The following PCDH15 variants were observed in gnomAD, a reference collection of about 807,000 sequenced individuals.
PCDH15 encodes the protein protocadherin related 15.
In PCDH15, 129 loss-of-function variants were observed where a neutral mutation model predicts 178.5. That is an observed-to-expected ratio of 0.72 (90% confidence interval 0.63 to 0.84). The LOEUF is 0.84. Ranked by LOEUF, PCDH15 falls within the 40% of genes least tolerant of loss-of-function variation. The pLI, the probability that PCDH15 is intolerant of heterozygous loss-of-function variation, is 0.00. For missense variants in PCDH15, 2,230 were observed against 2,099.9 expected (o/e 1.06, Z -1.21); for synonymous variants, 800 against 732.0 (o/e 1.09, Z -1.50).
At chr10:54,542,783 G>T (rs11004365) in intron 2 of PCDH15, among the ~76,000 whole-genome samples, 5 of 151,976 alleles carry the variant, frequency 3.3e-5, no homozygotes, top group African/African-American at 1.2e-4. Context: ...GGAGAAGGGC[G>T]TGGTCCCTGG....
intron 20 of PCDH15, among the ~76,000 whole-genome samples, chr10:53,996,940 C>T (rs957862984): frequency 4.9e-4 from 75 of 152,024 alleles, no homozygotes; most frequent in Admixed American, 3.8e-3. Flanking sequence ...TGCTTAGACA[C>T]AACAATTTTC....
chr10:54,118,759 C>T (rs1164156981), intron 15 of PCDH15, among the ~76,000 whole-genome samples: 1 of 143,310 alleles, frequency 7.0e-6, no homozygotes, highest in Admixed American at 6.9e-5. Context: ...AGAAGAAAAC[C>T]TAGGAAAGTT....
intron 2 of PCDH15, among the ~76,000 whole-genome samples, chr10:54,570,972 G>A (rs1036419803): frequency 1.3e-5 from 2 of 151,736 alleles, no homozygotes; most frequent in African/African-American, 4.8e-5. Context: ...GGCCTCACTT[G>A]CATCATTCTA....
At chr10:54,311,916 G>C (rs1329839277) in intron 8 of PCDH15, among the ~76,000 whole-genome samples, 1 of 151,936 alleles carries the variant, frequency 6.6e-6, no homozygotes, top group African/African-American at 2.4e-5. Flanking sequence ...ATTTTTAAAA[G>C]TTTTTCTGAA....
At chr10:55,157,729 C>T (rs1212113075) in intron 2 of PCDH15, among the ~76,000 whole-genome samples, 3 of 151,860 alleles carry the variant, frequency 2.0e-5, no homozygotes, top group African/African-American at 7.2e-5. Flanking sequence ...ATCACATGTT[C>T]TCACTCATAG....
At chr10:54,060,250 C>G (rs1048675834) in intron 18 of PCDH15, among the ~76,000 whole-genome samples, 6 of 152,096 alleles carry the variant, frequency 3.9e-5, no homozygotes, top group African/African-American at 1.4e-4. Context: ...TGTAGTGATG[C>G]AGTAGAAGAA....
chr10:54,135,179 G>T (rs1590706411), intron 14 of PCDH15, among the ~76,000 whole-genome samples: 2 of 149,764 alleles, frequency 1.3e-5, no homozygotes, highest in Non-Finnish European at 2.9e-5. Context: ...CTCCAGCCTG[G>T]GTGACAGGGC....
intron 2 of PCDH15, among the ~76,000 whole-genome samples, chr10:55,335,916 A>G (rs1031169499): frequency 6.6e-6 from 1 of 152,052 alleles, no homozygotes; most frequent in Admixed American, 6.6e-5. Flanking sequence ...TGCAAATTTT[A>G]TGATTCAATG....
intron 3 of PCDH15, among the ~76,000 whole-genome samples, chr10:54,399,420 C>T (rs1208192064): frequency 6.6e-6 from 1 of 152,040 alleles, no homozygotes; most frequent in Non-Finnish European, 1.5e-5. Context: ...AGACTTCTTG[C>T]ATTTCTCCAT....
At chr10:55,346,729 A>G (rs1844764673) in intron 2 of PCDH15, among the ~76,000 whole-genome samples, 1 of 150,674 alleles carries the variant, frequency 6.6e-6, no homozygotes. Context: ...AGAGGTTAAT[A>G]TATTAGTTTA....
At position 53,821,888 on chromosome 10, in the gene PCDH15, T is replaced by C. The variant is rs1564530079; in HGVS notation, c.4368-1658A>G. ...GTGAAGTAGATTGACTGTGAGATTG[T>C]TTTTCAGTTCCCTCGACAATATTGT... On this transcript the variant is annotated intron_variant, in intron 32 of 37. Transcript: ENST00000644397. The C allele has an allele frequency of 6.2e-7, 1 of 1,613,450 alleles. No homozygotes were observed. Among genetic ancestry groups the C allele is most frequent in the Non-Finnish European group, 8.5e-7 (1 of 1,179,684 alleles).
At chr10:54,826,545 G>A (rs1402621610) in intron 3 of PCDH15, among the ~76,000 whole-genome samples, 3 of 151,708 alleles carry the variant, frequency 2.0e-5, no homozygotes, top group East Asian at 1.9e-4. Flanking sequence ...GTGTGTGTGT[G>A]TATATGTATA....
At chr10:54,214,963 A>G (rs1477059810) in intron 9 of PCDH15, among the ~76,000 whole-genome samples, 1 of 152,194 alleles carries the variant, frequency 6.6e-6, no homozygotes, top group Non-Finnish European at 1.5e-5. Context: ...CTAATTGTAT[A>G]ATCTTCCTTT....
intron 2 of PCDH15, among the ~76,000 whole-genome samples, chr10:55,406,319 TGAGTA>T (rs1838197375): frequency 6.6e-6 from 1 of 152,076 alleles, no homozygotes; most frequent in South Asian, 2.1e-4. Context: ...CCTGGTGTGT[TGAGTA>T]GAGGAGAACC....
chr10:55,221,400 C>T (rs958742247), intron 1 of PCDH15, among the ~76,000 whole-genome samples: 40 of 152,024 alleles, frequency 2.6e-4, no homozygotes, highest in African/African-American at 8.5e-4. Flanking sequence ...ATAAAATATA[C>T]AGTGCTCTTC....
At chr10:54,543,995 C>T (rs1332737767) in intron 2 of PCDH15, among the ~76,000 whole-genome samples, 1 of 152,144 alleles carries the variant, frequency 6.6e-6, no homozygotes, top group South Asian at 2.1e-4. Context: ...GTGTATGCTC[C>T]AAATTGTGAT....
At chr10:53,953,369 T>G (rs761919794) in intron 23 of PCDH15, among the ~76,000 whole-genome samples, 19 of 152,162 alleles carry the variant, frequency 1.2e-4, no homozygotes, top group Admixed American at 7.9e-4. Context: ...ATTAACAAAA[T>G]GAGTCTGTTT....
intron 5 of PCDH15, among the ~76,000 whole-genome samples, chr10:54,353,646 T>C: frequency 6.8e-6 from 1 of 147,836 alleles, no homozygotes; most frequent in South Asian, 2.1e-4. Flanking sequence ...TTTGCTCAAC[T>C]TAATGTTTTT....
At chr10:54,567,236 C>T (rs1341493000) in intron 2 of PCDH15, among the ~76,000 whole-genome samples, 1 of 152,028 alleles carries the variant, frequency 6.6e-6, no homozygotes, top group Non-Finnish European at 1.5e-5. Context: ...CATAGCAGTC[C>T]TTAATCAGAT....
Sources: allele counts gnomAD v4.1 joint callset (sites outside exome capture counted in the v4.1 genomes callset), GRCh38; gene constraint gnomAD v4.1.1; transcripts MANE v1.5; gene names NCBI Gene and HGNC (gene_info 2026-07-23, HGNC 2026-07-21).